LRIF1: variants seen among roughly 807,000 people sequenced by gnomAD.
LRIF1 encodes ligand-dependent nuclear receptor-interacting factor 1.
A neutral mutation model predicts 52.7 loss-of-function variants in LRIF1; 32 were observed. The observed-to-expected ratio is 0.61, with a 90% confidence interval of 0.46 to 0.82. LRIF1 has a LOEUF of 0.82. Among genes scored for constraint, LRIF1 ranks in the 40% least tolerant of loss-of-function variants. The pLI is 0.00. For synonymous variants in LRIF1, 323 were observed against 317.4 expected, an observed-to-expected ratio of 1.02 and a Z score of -0.19; for missense variants, 887 against 892.0, an observed-to-expected ratio of 0.99 and a Z score of 0.07.
chr1:110,955,973 C>T (rs1222788051), intron 1 of LRIF1, among the ~76,000 whole-genome samples: 1 of 152,152 alleles, frequency 6.6e-6, no homozygotes, highest in African/African-American at 2.4e-5. Flanking sequence ...AGACCTATCT[C>T]CTTCCATTGC....
chr1:110,909,569 G>A, the LRIF1 span, among the ~76,000 whole-genome samples: 3 of 146,078 alleles, frequency 2.1e-5, no homozygotes, highest in Non-Finnish European at 4.5e-5. Context: ...AAGGGCAGGG[G>A]TAGCTTTTTT....
intron 1 of LRIF1, among the ~76,000 whole-genome samples, chr1:110,958,099 T>C (rs1053800520): frequency 6.6e-6 from 1 of 152,242 alleles, no homozygotes; most frequent in African/African-American, 2.4e-5. Flanking sequence ...AAAGTTTTAG[T>C]ATTCATCATT....
Position 110,952,773 on chromosome 1 carries a change from C to T in LRIF1, c.111G>A (p.Ser37=), listed in dbSNP as rs774466163. The T allele has an allele frequency of 1.2e-6, 2 of 1,611,962 alleles. No homozygotes were observed. The highest frequency in any genetic ancestry group is 1.7e-6 in the Non-Finnish European group (2 of 1,178,826). Residue 37 remains serine (S), a synonymous_variant, in exon 2 of 4, where the codon TCG becomes TCA. Transcript: ENST00000369763. ...GTAATTGCAGAAGATTTTTTCCATC[C>T]GAGCCAATCGTCTGAACTACTTGGT... ...CMYQVVQTIG[S]DGKNLLQLLP...
At chr1:110,889,191 T>G in the LRIF1 span, among the ~76,000 whole-genome samples, 1 of 152,156 alleles carries the variant, frequency 6.6e-6, no homozygotes, top group Non-Finnish European at 1.5e-5. Context: ...ATTTTGTCAG[T>G]GTGATACTGA....
the LRIF1 span, among the ~76,000 whole-genome samples, chr1:110,884,464 T>C: frequency 1.3e-5 from 2 of 152,134 alleles, no homozygotes; most frequent in Non-Finnish European, 2.9e-5. Flanking sequence ...GAGTGTTCTA[T>C]CACAATCAGT....
chr1:110,895,585 A>C, the LRIF1 span, among the ~76,000 whole-genome samples: 1 of 152,206 alleles, frequency 6.6e-6, no homozygotes, highest in Non-Finnish European at 1.5e-5. Context: ...AAACAGTACC[A>C]CTATGAAAGC....
At chr1:110,918,383 T>G in the LRIF1 span, among the ~76,000 whole-genome samples, 1 of 152,186 alleles carries the variant, frequency 6.6e-6, no homozygotes, top group African/African-American at 2.4e-5. Context: ...TATTTTATAG[T>G]CAATCCATTA....
At chr1:110,920,307 G>T in the LRIF1 span, among the ~76,000 whole-genome samples, 33 of 152,248 alleles carry the variant, frequency 2.2e-4, no homozygotes, top group East Asian at 6.2e-3. Flanking sequence ...TACTTCAGTA[G>T]ATGAATGGAC....
chr1:110,960,137 G>C (rs1470765438), intron 1 of LRIF1, among the ~76,000 whole-genome samples: 1 of 152,054 alleles, frequency 6.6e-6, no homozygotes, highest in African/African-American at 2.4e-5. Flanking sequence ...TTTTATACTT[G>C]AGAAAATGGA....
rs1272050352 is a variant in LRIF1 at position 110,951,740 on chromosome 1, G to A, written c.1144C>T (p.Gln382Ter). Residue 382 changes from glutamine (Q) to a stop codon, truncating the protein, a stop_gained, in exon 2 of 4, where the codon CAG becomes TAG. Coordinates refer to ENST00000369763, the MANE Select transcript of LRIF1 (RefSeq NM_018372.4). LOFTEE classifies it high-confidence loss of function. The part of the protein sequence containing the change: ...TDVLPSQIDQ[Q>*]NSVSPDTPVR... ...GGAGTATCAGGAGAAACAGAATTCT[G>A]TTGGTCAATTTGTGATGGCAGAACA... 1 of 1,613,602 alleles carries A rather than the reference G, an allele frequency of 6.2e-7. No homozygotes were observed. Among genetic ancestry groups the A allele is most frequent in the Admixed American group, 1.7e-5 (1 of 60,028 alleles).
chr1:110,878,712 C>T, the LRIF1 span, among the ~76,000 whole-genome samples: 1 of 152,070 alleles, frequency 6.6e-6, no homozygotes. Context: ...CCAAACACTT[C>T]CATTCACTGA....
rs746099607 is a variant in LRIF1, at chr1:110,951,497, T to C, written c.1387A>G (p.Ser463Gly). Residue 463 changes from serine to glycine, a missense_variant, in exon 2 of 4, where the codon AGT becomes GGT. Ser to Gly is a moderately conservative substitution (Grantham distance 56). Transcript: ENST00000369763. ...GTCTTACTCTGTTTTAAGTAGTTAC[T>C]GGATTGGTTCATATGTGGATTTGTG... is the stretch of plus-strand genomic sequence containing the variant. ...STTNPHMNQS[S>G]NYLKQSKTLF... 1.6e-5 allele frequency: 26 copies of C among 1,614,056 alleles called. No individual in the cohort carries two copies. The highest frequency in any genetic ancestry group is 2.7e-5 in the African/African-American group (2 of 74,942).
the LRIF1 span, among the ~76,000 whole-genome samples, chr1:110,919,263 TG>T: frequency 0.59 from 90,210 of 151,932 alleles, 27,320 homozygotes; most frequent in East Asian, 0.84. Flanking sequence ...GTCACTGGGC[TG>T]GGGAAGGCAG....
At chr1:110,933,219 C>T in the LRIF1 span, among the ~76,000 whole-genome samples, 8,746 of 152,164 alleles carry the variant, frequency 0.057, 292 homozygotes, top group East Asian at 0.13. Context: ...CCAAAAAGCA[C>T]TGGTTTCTCA....
At chr1:110,899,907 A>AAC in the LRIF1 span, 110,222 of 152,352 alleles carry the variant, frequency 0.72, 42,008 homozygotes, top group Non-Finnish European at 0.84. Flanking sequence ...CAATAAATAA[A>AAC]AGTTTATTAT....
the LRIF1 span, among the ~76,000 whole-genome samples, chr1:110,911,892 C>A: frequency 6.6e-6 from 1 of 152,252 alleles, no homozygotes; most frequent in Non-Finnish European, 1.5e-5. Context: ...AACCCACAGC[C>A]AATATCATAC....
the LRIF1 span, chr1:110,891,555 G>A: frequency 7.8e-6 from 7 of 893,678 alleles, no homozygotes; most frequent in South Asian, 1.4e-5. Context: ...AGGCTGGTGT[G>A]GGGTAAAATG....
At chr1:110,923,431 A>C in the LRIF1 span, among the ~76,000 whole-genome samples, 14,087 of 152,214 alleles carry the variant, frequency 0.093, 765 homozygotes, top group African/African-American at 0.15. Context: ...TAGTCTACCA[A>C]ATAAATGAAC....
intron 3 of LRIF1, 43 bp downstream of exon 3, chr1:110,949,808 A>C (rs764773678): frequency 6.4e-7 from 1 of 1,558,236 alleles, no homozygotes. Flanking sequence ...TTCATGTATC[A>C]TTTGTAGTAC....
Sources: gnomAD v4.1 joint callset for allele counts (sites outside exome capture counted in the v4.1 genomes callset) on GRCh38, gnomAD v4.1.1 for gene constraint, MANE v1.5 for transcripts, NCBI Gene and HGNC (gene_info 2026-07-23, HGNC 2026-07-21) for gene names.